The following NTRK3 variants were observed in gnomAD, a reference collection of about 807,000 sequenced individuals.
NTRK3 encodes the protein NT-3 growth factor receptor.
NTRK3 carries 24 observed loss-of-function variants against 91.7 expected under a neutral mutation model. The observed-to-expected ratio is 0.26, with a 90% CI of 0.19 to 0.37. The LOEUF is 0.37. NTRK3 is among the 10% of genes least tolerant of loss of function. The pLI, the probability that NTRK3 is intolerant of heterozygous loss-of-function variation, is 1.00. For synonymous variants in NTRK3, 483 were observed against 404.0 expected (o/e 1.20, Z -2.34); for missense variants, 880 against 1,068.9 (o/e 0.82, Z 2.46).
chr15:87,972,593 GT>G (rs1332346024), intron 14 of NTRK3, among the ~76,000 whole-genome samples: 1 of 152,162 alleles, frequency 6.6e-6, no homozygotes, highest in Non-Finnish European at 1.5e-5. Flanking sequence ...AAAGGCCCCA[GT>G]CCCCACCCAT....
intron 17 of NTRK3, among the ~76,000 whole-genome samples, chr15:87,905,361 G>T (rs1469077209): frequency 6.6e-6 from 1 of 152,132 alleles, no homozygotes; most frequent in African/African-American, 2.4e-5. Flanking sequence ...CTTTGTTGTA[G>T]CAGGTCTCTC....
At chr15:87,958,697 C>T (rs143217912) in intron 14 of NTRK3, among the ~76,000 whole-genome samples, 19 of 152,120 alleles carry the variant, frequency 1.2e-4, no homozygotes, top group Admixed American at 3.9e-4. Flanking sequence ...AGACCCTCTG[C>T]CCCTTATCCT....
At chr15:87,968,245 T>G (rs1381926468) in intron 14 of NTRK3, among the ~76,000 whole-genome samples, 1 of 152,192 alleles carries the variant, frequency 6.6e-6, no homozygotes, top group Non-Finnish European at 1.5e-5. Flanking sequence ...GTGAATATGA[T>G]GGATATAACC....
intron 3 of NTRK3, among the ~76,000 whole-genome samples, chr15:88,205,548 A>T (rs1297639400): frequency 6.6e-6 from 1 of 152,112 alleles, no homozygotes; most frequent in Non-Finnish European, 1.5e-5. Context: ...ATATCATCCT[A>T]GGGATACAGG....
intron 13 of NTRK3, among the ~76,000 whole-genome samples, chr15:88,037,800 C>T (rs1215536572): frequency 6.6e-6 from 1 of 152,158 alleles, no homozygotes. Context: ...TGAATACTTC[C>T]TACACATCAG....
At chr15:87,939,714 C>A (rs1487339877) in intron 15 of NTRK3, among the ~76,000 whole-genome samples, 5 of 152,198 alleles carry the variant, frequency 3.3e-5, no homozygotes, top group Admixed American at 3.3e-4. Context: ...AGGCTCTACA[C>A]TGGCCTCAGA....
At chr15:87,866,136 A>G in exon 19 of NTRK3, 1 of 225,912 alleles carries the variant, frequency 4.4e-6, no homozygotes, top group Non-Finnish European at 8.8e-6. Context: ...TCTATTTTGT[A>G]TGTTAAGAAA....
chr15:88,021,890 A>C (rs145457541), intron 14 of NTRK3, among the ~76,000 whole-genome samples: 12 of 152,216 alleles, frequency 7.9e-5, no homozygotes, highest in African/African-American at 1.7e-4. Flanking sequence ...ACTAATAGAG[A>C]CCACCATCAA....
At chr15:88,142,383 G>A (rs754694194) in intron 6 of NTRK3, among the ~76,000 whole-genome samples, 5 of 152,252 alleles carry the variant, frequency 3.3e-5, no homozygotes, top group South Asian at 2.1e-4. Flanking sequence ...GGGCCTAATC[G>A]CAGGGCTCTG....
rs1254695055 is a variant in NTRK3, at chr15:88,077,090, T to C, written c.1397-44045A>G. Among the ~76,000 whole-genome samples, 10 of 152,182 alleles carry C rather than the reference T, an allele frequency of 6.6e-5. No homozygotes were observed. In the East Asian group the frequency reaches 1.7e-3, roughly 26 times the overall value. ...GCCAGGGTGACAGAGCTAGACTCCATCAAATAAATAAATAAATAAAACATT... is the reference window on the plus strand; with the variant it reads ...GCCAGGGTGACAGAGCTAGACTCCACCAAATAAATAAATAAATAAAACATT... On this transcript the variant is annotated intron_variant, in intron 13 of 18. Coordinates refer to ENST00000394480, the Ensembl canonical transcript of NTRK3.
At chr15:88,113,917 C>T (rs1237406259) in intron 13 of NTRK3, among the ~76,000 whole-genome samples, 3 of 152,158 alleles carry the variant, frequency 2.0e-5, no homozygotes, top group Non-Finnish European at 4.4e-5. Context: ...ACCACCCAGC[C>T]TGTTTTTTAA....
At chr15:88,044,249 ATGT>A (rs2079927671) in intron 13 of NTRK3, among the ~76,000 whole-genome samples, 2 of 116,320 alleles carry the variant, frequency 1.7e-5, no homozygotes, top group Non-Finnish European at 3.6e-5. Flanking sequence ...TCCCAAGTCT[ATGT>A]TCTTTTTTTT....
At chr15:87,916,673 TA>T (rs1232488017) in intron 17 of NTRK3, 7 of 675,330 alleles carry the variant, frequency 1.0e-5, no homozygotes, top group African/African-American at 5.4e-5. Flanking sequence ...TTGGCAGGAT[TA>T]GGGGGCTAAA....
At chr15:88,069,073 T>C (rs1312282736) in intron 13 of NTRK3, among the ~76,000 whole-genome samples, 2 of 152,110 alleles carry the variant, frequency 1.3e-5, no homozygotes, top group Non-Finnish European at 2.9e-5. Context: ...GGCTTAATCA[T>C]GGGGAGATGA....
intron 3 of NTRK3, among the ~76,000 whole-genome samples, chr15:88,228,610 C>G (rs539096000): frequency 6.6e-6 from 1 of 152,296 alleles, no homozygotes; most frequent in South Asian, 2.1e-4. Context: ...GACCCTCCTC[C>G]AGGAAAACCC....
At chr15:88,176,604 C>T (rs2046021472) in intron 5 of NTRK3, among the ~76,000 whole-genome samples, 1 of 152,198 alleles carries the variant, frequency 6.6e-6, no homozygotes, top group African/African-American at 2.4e-5. Context: ...AGCTCTTACC[C>T]ATGGAGATCT....
intron 17 of NTRK3, among the ~76,000 whole-genome samples, chr15:87,914,458 C>G (rs148264647): frequency 6.6e-6 from 1 of 152,098 alleles, no homozygotes; most frequent in Admixed American, 6.5e-5. Context: ...TGAGTGGGAA[C>G]CAATGAGGAT....
chr15:88,151,405 T>C (rs1052620174), intron 5 of NTRK3, among the ~76,000 whole-genome samples: 2 of 152,114 alleles, frequency 1.3e-5, no homozygotes, highest in Admixed American at 1.3e-4. Flanking sequence ...AGAGCTGAGA[T>C]GTCACCTCTG....
chr15:88,111,667 A>T (rs1005079078), intron 13 of NTRK3, among the ~76,000 whole-genome samples: 1 of 152,182 alleles, frequency 6.6e-6, no homozygotes, highest in Admixed American at 6.5e-5. Context: ...GACTAAGAGC[A>T]TGTGGCTTGG....
Sources: allele counts gnomAD v4.1 joint callset (sites outside exome capture counted in the v4.1 genomes callset), GRCh38; gene constraint gnomAD v4.1.1; transcripts MANE v1.5; gene names NCBI Gene and HGNC (gene_info 2026-07-23, HGNC 2026-07-21).